DSCAM: variants seen among roughly 807,000 people sequenced by gnomAD.
DSCAM encodes cell adhesion molecule DSCAM.
A neutral mutation model predicts 217.7 loss-of-function variants in DSCAM; 47 were observed. The observed-to-expected ratio is 0.22, with a 90% CI of 0.17 to 0.28. The LOEUF (loss-of-function observed/expected upper bound fraction) is 0.28. Among genes scored for constraint, DSCAM ranks in the 10% least tolerant of loss-of-function variants. DSCAM has a pLI of 1.00. For synonymous variants in DSCAM, 1,056 were observed against 1,015.3 expected, an observed-to-expected ratio of 1.04 and a Z score of -0.76; for missense variants, 2,080 against 2,618.3, an observed-to-expected ratio of 0.79 and a Z score of 4.49.
chr21:40,343,191 T>C (rs1416796633), intron 6 of DSCAM, among the ~76,000 whole-genome samples: 1 of 152,188 alleles, frequency 6.6e-6, no homozygotes, highest in Non-Finnish European at 1.5e-5. Context: ...CTTTTAGAAA[T>C]TGCTTTATTG....
chr21:40,788,892 G>C (rs2091615703), intron 1 of DSCAM, among the ~76,000 whole-genome samples: 1 of 152,116 alleles, frequency 6.6e-6, no homozygotes, highest in South Asian at 2.1e-4. Context: ...CTGTTTTATG[G>C]ATTTCAGCAA....
intron 3 of DSCAM, among the ~76,000 whole-genome samples, chr21:40,596,871 T>C (rs1357980636): frequency 6.6e-6 from 1 of 151,478 alleles, no homozygotes; most frequent in East Asian, 1.9e-4. Context: ...AAATATTTCA[T>C]ATATATATAT....
intron 11 of DSCAM, among the ~76,000 whole-genome samples, chr21:40,243,463 A>G (rs946021426): frequency 1.3e-5 from 2 of 152,182 alleles, no homozygotes; most frequent in African/African-American, 2.4e-5. Flanking sequence ...ATTTTCACAC[A>G]TATTACCTGT....
chr21:40,273,784 G>A (rs1801626771), intron 11 of DSCAM, among the ~76,000 whole-genome samples: 2 of 152,294 alleles, frequency 1.3e-5, no homozygotes, highest in South Asian at 4.1e-4. Flanking sequence ...CCTCCAGGTT[G>A]CCACCTTCTT....
At chr21:40,225,211 G>T (rs754503965) in intron 11 of DSCAM, among the ~76,000 whole-genome samples, 1 of 152,164 alleles carries the variant, frequency 6.6e-6, no homozygotes, top group Non-Finnish European at 1.5e-5. Flanking sequence ...ACACATATGC[G>T]TACTTGTATT....
intron 10 of DSCAM, among the ~76,000 whole-genome samples, chr21:40,284,322 C>T (rs2073799729): frequency 6.6e-6 from 1 of 152,154 alleles, no homozygotes; most frequent in African/African-American, 2.4e-5. Context: ...TTTCCAATCC[C>T]TGAGAAAGAA....
chr21:40,317,101 T>C (rs2074205686), intron 8 of DSCAM, among the ~76,000 whole-genome samples: 1 of 152,234 alleles, frequency 6.6e-6, no homozygotes, highest in Non-Finnish European at 1.5e-5. Context: ...GTAGCTCTTC[T>C]GCGCAGCCAC....
Position 40,044,192 on chromosome 21 carries a change from G to T in DSCAM, c.5269C>A (p.Pro1757Thr), listed in dbSNP as rs201890626. 1.7e-4 allele frequency: 279 copies of T among 1,614,042 alleles called. No individual in the cohort carries two copies. The highest frequency in any genetic ancestry group is 2.3e-4 in the Non-Finnish European group (272 of 1,180,044). ...GTGAGGGTGTGTGCTGAGATGGTGG[G>T]GTGGGGTCGGTTGAGGGTCCACTGG... ...ASQWTLNRPH[P>T]TISAHTLTTD... The change falls in exon 31 of 33, where the codon CCC (proline) becomes ACC (threonine). Residue 1757 changes from proline to threonine, a missense_variant. This residue lies in a region of DSCAM where 1,144 missense variants were observed against 1,421.1 expected (regional missense o/e 0.81). Transcript: ENST00000400454.
rs200828054 is a variant in DSCAM at position 40,142,306 on chromosome 21, AT to A, written c.3406+251del. Among the ~76,000 whole-genome samples, 3 of 150,746 alleles carry A rather than the reference AT, an allele frequency of 2.0e-5. No individual in the cohort carries two copies. The East Asian group carries it at 5.9e-4, about 29-fold the overall frequency. On this transcript the variant is annotated intron_variant, in intron 18 of 32. Transcript: ENST00000400454. ...CCTTGACATAGACATAATTAGGAAA[AT>A]ACATCCATGTTGAAATTTCCCAAGT... is the stretch of plus-strand genomic sequence containing the variant.
intron 1 of DSCAM, among the ~76,000 whole-genome samples, chr21:40,765,497 A>G (rs771766339): frequency 9.2e-5 from 14 of 152,130 alleles, no homozygotes; most frequent in Non-Finnish European, 1.3e-4. Flanking sequence ...TGTGCAAGTG[A>G]TATTTCCATT....
At chr21:40,425,648 C>T (rs1241951376) in intron 3 of DSCAM, among the ~76,000 whole-genome samples, 1 of 77,248 alleles carries the variant, frequency 1.3e-5, no homozygotes, top group African/African-American at 5.2e-5. Context: ...GCCTGAGCAA[C>T]AAAGAGCGAA....
chr21:40,548,097 T>G (rs1404403766), intron 3 of DSCAM, among the ~76,000 whole-genome samples: 2 of 152,194 alleles, frequency 1.3e-5, no homozygotes, highest in Admixed American at 6.5e-5. Context: ...GCCTGCACCC[T>G]CAGGCAAAAT....
intron 16 of DSCAM, among the ~76,000 whole-genome samples, chr21:40,149,674 C>A (rs933179793): frequency 1.1e-4 from 17 of 149,176 alleles, no homozygotes; most frequent in African/African-American, 3.8e-4. Flanking sequence ...CATCACTATC[C>A]CAACACCACC....
intron 3 of DSCAM, among the ~76,000 whole-genome samples, chr21:40,555,576 G>C (rs1247961033): frequency 6.6e-6 from 1 of 152,044 alleles, no homozygotes; most frequent in Admixed American, 6.5e-5. Context: ...CATATAAAAC[G>C]TTTATTCTAA....
intron 11 of DSCAM, among the ~76,000 whole-genome samples, chr21:40,247,319 T>C (rs1320485993): frequency 6.6e-6 from 1 of 152,178 alleles, no homozygotes; most frequent in Non-Finnish European, 1.5e-5. Flanking sequence ...ATTTCAGTAT[T>C]AACCCAAAGT....
intron 14 of DSCAM, among the ~76,000 whole-genome samples, chr21:40,184,744 G>A (rs1334664209): frequency 6.6e-6 from 1 of 152,148 alleles, no homozygotes; most frequent in African/African-American, 2.4e-5. Context: ...GCTGGGTGCT[G>A]GGGATCCCAG....
At chr21:40,563,811 T>C (rs1486307168) in intron 3 of DSCAM, among the ~76,000 whole-genome samples, 2 of 147,052 alleles carry the variant, frequency 1.4e-5, no homozygotes, top group Non-Finnish European at 3.0e-5. Flanking sequence ...GTTATATGTG[T>C]ATATATAGTT....
At chr21:40,629,758 T>A (rs1247464154) in intron 3 of DSCAM, 1 of 152,182 alleles carries the variant, frequency 6.6e-6, no homozygotes, top group Non-Finnish European at 1.5e-5. Flanking sequence ...CAGTGATTGT[T>A]CAATGTCTGC....
intron 3 of DSCAM, among the ~76,000 whole-genome samples, chr21:40,457,439 G>A (rs955627911): frequency 5.3e-5 from 8 of 152,072 alleles, no homozygotes; most frequent in African/African-American, 1.9e-4. Flanking sequence ...TTGAGCCCGG[G>A]AGTTTGAGGC....
Sources: allele counts gnomAD v4.1 joint callset (sites outside exome capture counted in the v4.1 genomes callset), GRCh38; gene constraint gnomAD v4.1.1; regional missense constraint gnomAD v4.1.1; transcripts MANE v1.5; gene names NCBI Gene and HGNC (gene_info 2026-07-23, HGNC 2026-07-21).